Variants in STN1 observed in about 807,000 individuals in gnomAD.
STN1 encodes the protein STN1 subunit of CST complex.
In STN1, 29 loss-of-function variants were observed where a neutral mutation model predicts 45.5. That is an observed-to-expected ratio of 0.64 (90% CI 0.47 to 0.87). STN1 has a LOEUF of 0.87. Ranked by LOEUF, STN1 falls within the 40% of genes least tolerant of loss-of-function variation. The pLI is 0.00. For missense variants in STN1, 376 were observed against 441.4 expected (o/e 0.85, Z 1.33); for synonymous variants, 148 against 159.0 (o/e 0.93, Z 0.52).
rs553430081 is a variant in STN1, at chr10:103,892,243, T to C, written c.763A>G (p.Lys255Glu). ...ATTGCCTTGGAAGTGGTGTCCTTCTTAAAATTCACCTGTAAAGAGAGGAAA... is the reference window on the plus strand; with the variant it reads ...ATTGCCTTGGAAGTGGTGTCCTTCTCAAAATTCACCTGTAAAGAGAGGAAA... ...HSASSDQVNF[K>E]KDTTSKAIHS... The change falls in exon 8 of 10, where the codon AAG becomes GAG. Residue 255 changes from lysine to glutamate, a missense_variant. Coordinates refer to ENST00000224950, the MANE Select transcript of STN1 (RefSeq NM_024928.5). 6.3e-7 allele frequency: 1 copy of C among 1,596,770 alleles called. No homozygotes were observed. The highest frequency in any genetic ancestry group is 1.4e-5 in the African/African-American group (1 of 73,846).
intron 8 of STN1, 33 bp downstream of exon 8, chr10:103,892,097 C>T (rs1281198884): frequency 6.5e-7 from 1 of 1,527,056 alleles, no homozygotes; most frequent in Non-Finnish European, 8.8e-7. Context: ...ATTGAAGCTA[C>T]AAAGAAAAAA....
At chr10:103,903,236 A>G (rs10786776) in intron 4 of STN1, among the ~76,000 whole-genome samples, 60,959 of 151,996 alleles carry the variant, frequency 0.4, 12,589 homozygotes, top group East Asian at 0.66. Context: ...CACACAGACC[A>G]TAGGGTGCAC....
intron 4 of STN1, among the ~76,000 whole-genome samples, chr10:103,902,974 C>T (rs929853245): frequency 3.9e-5 from 6 of 152,148 alleles, no homozygotes; most frequent in African/African-American, 1.4e-4. Context: ...TATTAATACC[C>T]ATTTTGTTGA....
In STN1 at chr10:103,890,095, A is replaced by AAAAGAGAG. The variant is rs571936603; in HGVS notation, c.877-959_877-952dup. On this transcript the variant is annotated intron_variant, in intron 8 of 9. Coordinates refer to ENST00000224950, the MANE Select transcript of STN1 (RefSeq NM_024928.5). ...GTTCCACAGTGAATCTAGTAACAAA[A>AAAAGAGAG]AAAGAGAGAAAGAGAAAGAAAAAAA... is the stretch of plus-strand genomic sequence containing the variant. Among the ~76,000 whole-genome samples the AAAAGAGAG allele has an allele frequency of 3.7e-3, 557 of 152,320 alleles. 3 individuals are homozygous for AAAAGAGAG. Among genetic ancestry groups the AAAAGAGAG allele is most frequent in the African/African-American group, 0.013 (537 of 41,566 alleles).
chr10:103,889,114 T>C lies in STN1; in HGVS notation c.907A>G (p.Lys303Glu), dbSNP rs1843122099. The change falls in exon 9 of 10, where the codon AAG becomes GAG. Residue 303 changes from lysine to glutamate, a missense_variant. Lys to Glu is a moderately conservative substitution (Grantham distance 56). Coordinates refer to ENST00000224950, the MANE Select transcript of STN1 (RefSeq NM_024928.5). Reference protein sequence around the residue: ...VTREDKDLHRKIHRIIQQDCQ... With the variant: ...VTREDKDLHREIHRIIQQDCQ... ...TCCTGCTGAATGATCCGGTGGATCT[T>C]TCTGTGCAGGTCTTTGTCTTCTCTG... 6.2e-7 allele frequency: 1 copy of C among 1,613,740 alleles called. No individual in the cohort carries two copies. Among genetic ancestry groups the C allele is most frequent in the Admixed American group, 1.7e-5 (1 of 60,008 alleles).
rs141870707 is a variant in STN1 at position 103,898,897 on chromosome 10, T to C, written c.561A>G (p.Leu187=). The C allele has an allele frequency of 3.1e-6, 5 of 1,613,812 alleles. No individual in the cohort carries two copies. The highest frequency in any genetic ancestry group is 4.2e-6 in the Non-Finnish European group (5 of 1,179,946). The change falls in exon 6 of 10, where the codon CTA becomes CTG. Residue 187 remains leucine (L), a synonymous_variant. Transcript: ENST00000224950. ...VYDQPFHSSA[L]EKEEALSNPG... is the part of the protein sequence containing the mutation. ...CTTACCTTAGTGCCTCTTCTTTCTC[T>C]AGGGCTGAGCTGTGAAAAGGCTGGT...
At chr10:103,884,526 C>A (rs1425596999) in intron 9 of STN1, among the ~76,000 whole-genome samples, 2 of 152,132 alleles carry the variant, frequency 1.3e-5, no homozygotes, top group Non-Finnish European at 2.9e-5. Flanking sequence ...CAAAAGCAAA[C>A]CCTCTCCAGT....
chr10:103,885,548 G>C (rs1843097942), intron 9 of STN1, among the ~76,000 whole-genome samples: 1 of 152,142 alleles, frequency 6.6e-6, no homozygotes, highest in Admixed American at 6.5e-5. Flanking sequence ...TCGGTAATGT[G>C]AACTTAGACT....
intron 2 of STN1, among the ~76,000 whole-genome samples, chr10:103,911,082 A>ATT (rs376539230): frequency 1.3e-5 from 2 of 148,194 alleles, no homozygotes; most frequent in South Asian, 2.1e-4. Context: ...TGGCAATAGC[A>ATT]TTTTTTTTAA....
intron 3 of STN1, 47 bp downstream of exon 3, chr10:103,910,480 G>A (rs748155380): frequency 4.6e-6 from 6 of 1,300,356 alleles, no homozygotes; most frequent in South Asian, 1.2e-5. Flanking sequence ...CAGCCCAGAA[G>A]GGTCAGCCTT....
In STN1 at chr10:103,882,586, C is replaced by A; in HGVS notation, c.*98G>T. 2 of 1,287,034 alleles carry A rather than the reference C, an allele frequency of 1.6e-6. No individual in the cohort carries two copies. The highest frequency in any genetic ancestry group is 2.1e-6 in the Non-Finnish European group (2 of 937,682). 79.7% of individuals were successfully genotyped at this position (1,287,034 alleles called of 1,614,324 possible). On this transcript the variant is annotated 3_prime_UTR_variant, in exon 10 of 10. Coordinates refer to ENST00000224950, the MANE Select transcript of STN1 (RefSeq NM_024928.5). ...TTATAGTTTATTATGAGGTAACTGC[C>A]TCCAGACAGATAAGCCCCTGCATGA...
chr10:103,887,553 G>A (rs1248428449), intron 9 of STN1, among the ~76,000 whole-genome samples: 1 of 152,186 alleles, frequency 6.6e-6, no homozygotes, highest in Non-Finnish European at 1.5e-5. Context: ...ACATTATGAA[G>A]CGGGGTGGTC....
rs1843060082 is a variant in STN1, at chr10:103,880,323, G to T, written c.*2361C>A. Among the ~76,000 whole-genome samples, 1 of 152,222 alleles carries T rather than the reference G, an allele frequency of 6.6e-6. No individual in the cohort carries two copies. The highest frequency in any genetic ancestry group is 6.5e-5 in the Admixed American group (1 of 15,292). On this transcript the variant is annotated 3_prime_UTR_variant, in exon 10 of 10. Coordinates refer to ENST00000224950, the MANE Select transcript of STN1 (RefSeq NM_024928.5). The stretch of plus-strand genomic sequence containing the variant: ...TACTGGAAAAGGCAACATTCGATTG[G>T]TTAAGGCGTTATTCAGAAAGAACAA...
chr10:103,913,791 A>G (rs1220807308), intron 2 of STN1, among the ~76,000 whole-genome samples: 1 of 152,096 alleles, frequency 6.6e-6, no homozygotes, highest in African/African-American at 2.4e-5. Flanking sequence ...GGTAACAAAT[A>G]CTAGATAACA....
intron 3 of STN1, among the ~76,000 whole-genome samples, chr10:103,905,641 C>A (rs1214037926): frequency 6.6e-6 from 1 of 152,162 alleles, no homozygotes; most frequent in Non-Finnish European, 1.5e-5. Context: ...GTGCTGACTT[C>A]CCAAGACAAA....
rs1843188407 is a variant in STN1 at position 103,898,835 on chromosome 10, C to T, written c.581+42G>A. On this transcript the variant is annotated intron_variant, in intron 6 of 9. Transcript: ENST00000224950. ...ATCTGGGCTCAGCTGCTTCAGTTTT[C>T]TGCCGTGGTCACGTGCTCAGCAGTG... is the stretch of plus-strand genomic sequence containing the variant. The T allele has an allele frequency of 2.5e-6, 4 of 1,609,874 alleles. No individual in the cohort carries two copies. The South Asian group carries it at 3.3e-5, about 13-fold the overall frequency.
At chr10:103,886,374 C>A (rs959646601) in intron 9 of STN1, among the ~76,000 whole-genome samples, 1 of 150,506 alleles carries the variant, frequency 6.6e-6, no homozygotes, top group Non-Finnish European at 1.5e-5. Flanking sequence ...AAGGGTATAT[C>A]GGTGTTTATT....
chr10:103,905,401 C>T (rs959212990), intron 3 of STN1, among the ~76,000 whole-genome samples: 2 of 152,190 alleles, frequency 1.3e-5, no homozygotes, highest in African/African-American at 2.4e-5. Context: ...TTCACTTATC[C>T]TACCTCAAGG....
intron 4 of STN1, 123 bp from the exon 5 acceptor site, chr10:103,900,346 T>C: frequency 1.1e-6 from 1 of 922,450 alleles, no homozygotes; most frequent in Non-Finnish European, 1.6e-6. Context: ...TTCTGAGTAA[T>C]TGTTCTACTG....
Sources: allele counts gnomAD v4.1 joint callset (sites outside exome capture counted in the v4.1 genomes callset), GRCh38; gene constraint gnomAD v4.1.1; transcripts MANE v1.5; gene names NCBI Gene and HGNC (gene_info 2026-07-23, HGNC 2026-07-21).